Variants in LGSN observed in about 807,000 individuals in gnomAD.
The protein encoded by LGSN is lengsin, lens protein with glutamine synthetase domain.
A neutral mutation model predicts 19.5 loss-of-function variants in LGSN; 21 were observed. The ratio of observed to expected loss-of-function variants is 1.07; its 90% CI spans 0.76 to 1.55. The LOEUF is 1.55. Ranked by LOEUF, LGSN falls within the 40% of genes most tolerant of loss-of-function variation. LGSN has a pLI of 0.00. For missense variants in LGSN, 673 were observed against 608.5 expected (o/e 1.11, Z -1.12); for synonymous variants, 257 against 215.6 (o/e 1.19, Z -1.68).
intron 1 of LGSN, among the ~76,000 whole-genome samples, chr6:63,305,525 G>T (rs905242840): frequency 5.9e-5 from 9 of 152,140 alleles, no homozygotes; most frequent in Non-Finnish European, 1.3e-4. Flanking sequence ...CCAATCACAG[G>T]CAGCCAACTG....
the LGSN span, among the ~76,000 whole-genome samples, chr6:63,495,532 C>T: frequency 2.9e-5 from 4 of 136,186 alleles, no homozygotes; most frequent in South Asian, 2.3e-4. Context: ...GATCTCAGCG[C>T]TCTGCCTCCC....
chr6:63,398,829 A>AT, the LGSN span, among the ~76,000 whole-genome samples: 2 of 151,830 alleles, frequency 1.3e-5, no homozygotes, highest in East Asian at 3.9e-4. Flanking sequence ...AAATATATAT[A>AT]TTTTTTCTTT....
chr6:63,412,741 A>AAGAG, the LGSN span, among the ~76,000 whole-genome samples: 1 of 77,534 alleles, frequency 1.3e-5, no homozygotes, highest in African/African-American at 7.8e-5. Context: ...GAAAGAAAGA[A>AAGAG]AGAAAGAAAG....
chr6:63,483,962 G>T, the LGSN span, among the ~76,000 whole-genome samples: 1 of 151,902 alleles, frequency 6.6e-6, no homozygotes, highest in Non-Finnish European at 1.5e-5. Context: ...CCCATAACAT[G>T]CAATCAACTA....
chr6:63,462,353 C>T, the LGSN span, among the ~76,000 whole-genome samples: 2 of 152,176 alleles, frequency 1.3e-5, no homozygotes, highest in African/African-American at 4.8e-5. Flanking sequence ...AAACATATGG[C>T]TGGATGTGGT....
At chr6:63,420,296 C>T in the LGSN span, among the ~76,000 whole-genome samples, 3 of 152,174 alleles carry the variant, frequency 2.0e-5, no homozygotes, top group Admixed American at 1.3e-4. Context: ...ACTACAGTAG[C>T]CTTTTGTTTG....
chr6:63,390,962 T>A, the LGSN span, among the ~76,000 whole-genome samples: 7 of 152,268 alleles, frequency 4.6e-5, no homozygotes, highest in Admixed American at 2.6e-4. Context: ...ATTTGAATTA[T>A]AACAAGTTCC....
chr6:63,479,633 A>G, the LGSN span, among the ~76,000 whole-genome samples: 35 of 152,256 alleles, frequency 2.3e-4, no homozygotes, highest in South Asian at 7.3e-3. Flanking sequence ...CCAACTACTC[A>G]GGAGGCTGAG....
chr6:63,461,925 T>C, the LGSN span, among the ~76,000 whole-genome samples: 1 of 152,224 alleles, frequency 6.6e-6, no homozygotes, highest in Non-Finnish European at 1.5e-5. Context: ...AGTATGAACA[T>C]AGATTCTGCA....
the LGSN span, among the ~76,000 whole-genome samples, chr6:63,384,469 A>ATGCCTT: frequency 6.7e-6 from 1 of 149,204 alleles, no homozygotes; most frequent in Non-Finnish European, 1.5e-5. Context: ...TAGAATATGA[A>ATGCCTT]TGCCTTTGGA....
At chr6:63,412,984 T>A in the LGSN span, among the ~76,000 whole-genome samples, 1 of 151,706 alleles carries the variant, frequency 6.6e-6, no homozygotes, top group African/African-American at 2.4e-5. Flanking sequence ...TGAGGGCAAG[T>A]TAGAAAGAAG....
rs148449765 is a variant in LGSN at position 63,285,637 on chromosome 6, C to A, written c.280G>T (p.Asp94Tyr). Residue 94 changes from aspartate to tyrosine, a missense_variant, in exon 3 of 4, where the codon GAC becomes TAC. Physicochemically the swap from Asp to Tyr is radical, Grantham distance 160. Coordinates refer to ENST00000370657, the MANE Select transcript of LGSN (RefSeq NM_016571.3). Reference protein sequence around the residue: ...RLQFVRFEATDLHGVSRSKTI... With the variant: ...RLQFVRFEATYLHGVSRSKTI... ...TTAGACCTGGACACGCCGTGGAGGTCTGTTGCTTCAAATCGTACAAACTGG... is the reference window on the plus strand; with the variant it reads ...TTAGACCTGGACACGCCGTGGAGGTATGTTGCTTCAAATCGTACAAACTGG... The A allele has an allele frequency of 1.2e-6, 2 of 1,613,932 alleles. No individual in the cohort carries two copies. The highest frequency in any genetic ancestry group is 1.7e-5 in the Admixed American group (1 of 59,996).
chr6:63,279,391 G>A lies in LGSN; in HGVS notation c.*630C>T, dbSNP rs1304068530. The A allele has an allele frequency of 6.6e-6, 1 of 152,208 alleles. No individual in the cohort carries two copies. Among genetic ancestry groups the A allele is most frequent in the Non-Finnish European group, 1.5e-5 (1 of 68,054 alleles). 9.4% of individuals were successfully genotyped at this position (152,208 alleles called of 1,614,324 possible). On this transcript the variant is annotated 3_prime_UTR_variant, in exon 4 of 4. Coordinates refer to ENST00000370657, the MANE Select transcript of LGSN (RefSeq NM_016571.3). Reference sequence around the variant, plus strand: ...ATTCCTTAGGGATTTGTTTCTTGAGGACATTATAACCTTGAAGTTCATAAG... The same window carrying A: ...ATTCCTTAGGGATTTGTTTCTTGAGAACATTATAACCTTGAAGTTCATAAG...
chr6:63,529,191 G>GTATATATATATATGTATATATATGTGTT, the LGSN span, among the ~76,000 whole-genome samples: 1 of 141,834 alleles, frequency 7.1e-6, no homozygotes, highest in African/African-American at 2.6e-5. Context: ...ATATATGTGT[G>GTATATATATATATGTATATATATGTGTT]TATATATATA....
the LGSN span, among the ~76,000 whole-genome samples, chr6:63,370,968 T>A: frequency 6.6e-6 from 1 of 152,212 alleles, no homozygotes; most frequent in Non-Finnish European, 1.5e-5. Context: ...GAAACGTAGA[T>A]TTTTATCATG....
chr6:63,428,736 G>A, the LGSN span, among the ~76,000 whole-genome samples: 21 of 152,192 alleles, frequency 1.4e-4, no homozygotes, highest in African/African-American at 5.1e-4. Context: ...CCCAGAACTA[G>A]CTTGCAAATT....
At chr6:63,387,074 C>G in the LGSN span, among the ~76,000 whole-genome samples, 3 of 152,004 alleles carry the variant, frequency 2.0e-5, no homozygotes, top group African/African-American at 7.3e-5. Context: ...GTGCTCCAGC[C>G]TGGGCAACAG....
chr6:63,425,262 C>A, the LGSN span, among the ~76,000 whole-genome samples: 1 of 152,194 alleles, frequency 6.6e-6, no homozygotes, highest in African/African-American at 2.4e-5. Flanking sequence ...AACTGTATCC[C>A]TAGGCACTTA....
chr6:63,441,882 T>C, the LGSN span: 1 of 266,806 alleles, frequency 3.7e-6, no homozygotes, highest in South Asian at 4.0e-5. Flanking sequence ...CAGCTGCCCC[T>C]TTGTGTCCGG....
Sources: allele counts gnomAD v4.1 joint callset (sites outside exome capture counted in the v4.1 genomes callset), GRCh38; gene constraint gnomAD v4.1.1; transcripts MANE v1.5; gene names NCBI Gene and HGNC (gene_info 2026-07-23, HGNC 2026-07-21).